CCDC3: variants seen among roughly 807,000 people sequenced by gnomAD.
CCDC3 encodes the protein coiled-coil domain containing 3, also known as coiled-coil domain-containing protein 3.
CCDC3 carries 24 observed loss-of-function variants against 21.4 expected under a neutral mutation model. That is an observed-to-expected ratio of 1.12 (90% CI 0.81 to 1.58). The LOEUF is 1.58. Ranked by LOEUF, CCDC3 falls within the 40% of genes most tolerant of loss-of-function variation. The probability of loss-of-function intolerance (pLI) is 0.00; values close to 1 mark genes in which losing one functional copy is unlikely to be tolerated. For missense variants in CCDC3, 425 were observed against 360.9 expected (o/e 1.18, Z -1.44); for synonymous variants, 186 against 166.0 (o/e 1.12, Z -0.93).
At chr10:13,084,501 G>T (rs1431484862) in intron 3 of CCDC3, among the ~76,000 whole-genome samples, 2 of 152,020 alleles carry the variant, frequency 1.3e-5, no homozygotes, top group Non-Finnish European at 2.9e-5. Flanking sequence ...TGGTCAGTCT[G>T]GTCTCGAACT....
intron 3 of CCDC3, among the ~76,000 whole-genome samples, chr10:13,096,911 C>A (rs1179027729): frequency 6.6e-6 from 1 of 152,186 alleles, no homozygotes; most frequent in Admixed American, 6.5e-5. Context: ...CCAGCTCTGG[C>A]TCTTCCTCCA....
Position 13,054,741 on chromosome 10 carries a change from C to T in CCDC3, c.-269-4800G>A, listed in dbSNP as rs556663781. 7.9e-5 allele frequency among the ~76,000 whole-genome samples: 12 copies of T among 152,258 alleles called. No homozygotes were observed. The South Asian group carries it at 2.5e-3, about 32-fold the overall frequency. ...GGAGGGCAGTGGTGTGATCTCTGCT[C>T]ATTGCAACCTCTGCCTCCTGGTTCA... On this transcript the variant is annotated intron_variant, in intron 4 of 6. Coordinates refer to the CCDC3 transcript ENST00000378839.
At chr10:13,063,099 A>ACC (rs113617788) in intron 4 of CCDC3, among the ~76,000 whole-genome samples, 4,512 of 147,160 alleles carry the variant, frequency 0.031, 247 homozygotes, top group African/African-American at 0.1. Flanking sequence ...TCACTGGCTT[A>ACC]CCCCCACCCA....
rs1133848 is a variant in CCDC3 at position 13,061,690 on chromosome 10, G to C, written c.-269-11749C>G. Among the ~76,000 whole-genome samples, 3 of 152,028 alleles carry C rather than the reference G, an allele frequency of 2.0e-5. No homozygotes were observed. The South Asian group carries it at 6.2e-4, about 32-fold the overall frequency. On this transcript the variant is annotated intron_variant, in intron 4 of 6. Transcript: ENST00000378839. Reference sequence around the variant, plus strand: ...TGGGGATGGGGGCTTTCAGGCTACAGATAAACTTAAACATTTTCTGGCTGC... The same window carrying C: ...TGGGGATGGGGGCTTTCAGGCTACACATAAACTTAAACATTTTCTGGCTGC...
chr10:13,072,405 G>C (rs1247628897), intron 4 of CCDC3, among the ~76,000 whole-genome samples: 1 of 152,178 alleles, frequency 6.6e-6, no homozygotes, highest in Non-Finnish European at 1.5e-5. Context: ...TTAGAGGGGG[G>C]AATAAGACAG....
intron 4 of CCDC3, among the ~76,000 whole-genome samples, chr10:13,060,247 C>A (rs1836738795): frequency 6.6e-6 from 1 of 152,122 alleles, no homozygotes. Flanking sequence ...GAAGACGTGA[C>A]CTTGCTGTGC....
At chr10:12,977,909 G>C (rs988659319) in intron 2 of CCDC3, among the ~76,000 whole-genome samples, 1 of 152,168 alleles carries the variant, frequency 6.6e-6, no homozygotes, top group Non-Finnish European at 1.5e-5. Flanking sequence ...CAGGACAAAG[G>C]ACCAGAACTC....
chr10:12,958,502 C>T (rs1835129062), intron 2 of CCDC3, among the ~76,000 whole-genome samples: 1 of 152,210 alleles, frequency 6.6e-6, no homozygotes, highest in South Asian at 2.1e-4. Flanking sequence ...AACGCATCCT[C>T]CCTGATTCAC....
intron 2 of CCDC3, among the ~76,000 whole-genome samples, chr10:12,977,828 A>G (rs1281649166): frequency 6.6e-6 from 1 of 152,214 alleles, no homozygotes; most frequent in Non-Finnish European, 1.5e-5. Flanking sequence ...AATCATGTTC[A>G]TTAGCAGTTT....
chr10:12,917,564 G>C (rs10906253), intron 2 of CCDC3, among the ~76,000 whole-genome samples: 70,341 of 151,976 alleles, frequency 0.46, 18,032 homozygotes, highest in East Asian at 0.77. Context: ...CAGCTCTTGG[G>C]AAGGTGTTTT....
Position 13,065,411 on chromosome 10 carries a change from T to C in CCDC3, c.-270+8457A>G, listed in dbSNP as rs80113603. On this transcript the variant is annotated intron_variant, in intron 4 of 6. Transcript: ENST00000378839. ...AAATGGTCCAATGGGCATCAGAATATTGAAAAAACAAGGAGATGATGTTGC... is the reference window on the plus strand; with the variant it reads ...AAATGGTCCAATGGGCATCAGAATACTGAAAAAACAAGGAGATGATGTTGC... Among the ~76,000 whole-genome samples the C allele has an allele frequency of 2.0e-5, 3 of 152,298 alleles. No homozygotes were observed. In the East Asian group the frequency reaches 5.8e-4, roughly 29 times the overall value.
At chr10:13,070,844 T>A (rs1836872962) in intron 4 of CCDC3, among the ~76,000 whole-genome samples, 1 of 152,352 alleles carries the variant, frequency 6.6e-6, no homozygotes, top group East Asian at 1.9e-4. Context: ...TTAACAAAAA[T>A]GAAGACTAGA....
chr10:13,094,513 C>G (rs1832610308), intron 3 of CCDC3, among the ~76,000 whole-genome samples: 1 of 152,048 alleles, frequency 6.6e-6, no homozygotes, highest in Admixed American at 6.5e-5. Context: ...CCTCAGCCAC[C>G]CAAAGTGCTG....
intron 2 of CCDC3, among the ~76,000 whole-genome samples, chr10:12,926,551 T>C (rs1834543284): frequency 6.6e-6 from 1 of 152,078 alleles, no homozygotes; most frequent in African/African-American, 2.4e-5. Flanking sequence ...TGTTGTTCTA[T>C]TGGGCAGGAA....
chr10:12,936,918 T>C (rs1010909177), intron 2 of CCDC3, among the ~76,000 whole-genome samples: 2 of 152,206 alleles, frequency 1.3e-5, no homozygotes, highest in African/African-American at 2.4e-5. Context: ...AGTGAGATCC[T>C]GTCTCAACTA....
chr10:13,027,731 A>AC (rs1047615588), intron 5 of CCDC3, among the ~76,000 whole-genome samples: 15 of 151,038 alleles, frequency 9.9e-5, no homozygotes, highest in African/African-American at 2.4e-4. Context: ...AAAAAAAAAA[A>AC]ACAAAAAAAA....
chr10:13,085,979 A>AG (rs1343676724), intron 3 of CCDC3, among the ~76,000 whole-genome samples: 1 of 151,762 alleles, frequency 6.6e-6, no homozygotes, highest in African/African-American at 2.4e-5. Context: ...AAAAAAAAAA[A>AG]AGAAAGAAAG....
At chr10:13,006,069 G>A (rs1835920168), upstream of CCDC3, among the ~76,000 whole-genome samples, 1 of 151,996 alleles carries the variant, frequency 6.6e-6, no homozygotes, top group Admixed American at 6.6e-5. Flanking sequence ...TAAAGTATAT[G>A]GTGTTTCATG....
chr10:13,077,270 T>G (rs10906296), intron 3 of CCDC3, among the ~76,000 whole-genome samples: 114 of 152,032 alleles, frequency 7.5e-4, no homozygotes, highest in Middle Eastern at 3.4e-3. Flanking sequence ...TTGCTTCAAA[T>G]AGAATAAAAT....
Sources: gnomAD v4.1 joint callset for allele counts (sites outside exome capture counted in the v4.1 genomes callset) on GRCh38, gnomAD v4.1.1 for gene constraint, MANE v1.5 for transcripts, NCBI Gene and HGNC (gene_info 2026-07-23, HGNC 2026-07-21) for gene names.